PCDHA9: variants seen among roughly 807,000 people sequenced by gnomAD.
PCDHA9 encodes the protein protocadherin alpha 9, also known as protocadherin alpha-9.
PCDHA9 carries 62 observed loss-of-function variants against 62.0 expected under a neutral mutation model. That is an observed-to-expected ratio of 1.00 (90% CI 0.81 to 1.23). The LOEUF is 1.23. PCDHA9 is among the 50% of genes most tolerant of loss of function. The pLI is 0.00. For synonymous variants in PCDHA9, 557 were observed against 567.6 expected (o/e 0.98, Z 0.27); for missense variants, 1,205 against 1,249.8 (o/e 0.96, Z 0.54).
At chr5:140,990,318 A>C (rs2097387548) in intron 3 of PCDHA9, among the ~76,000 whole-genome samples, 1 of 152,054 alleles carries the variant, frequency 6.6e-6, no homozygotes, top group Admixed American at 6.5e-5. Context: ...AACCAACCAA[A>C]CAAACTTTAA....
chr5:141,000,389 CTCTCTCTATATATA>C (rs1429861640), intron 3 of PCDHA9, among the ~76,000 whole-genome samples: 15 of 62,586 alleles, frequency 2.4e-4, no homozygotes, highest in African/African-American at 9.8e-4. Flanking sequence ...CTCTCTCTCT[CTCTCTCTATATATA>C]TATATATATA....
At chr5:140,972,708 G>C (rs1309799075) in intron 1 of PCDHA9, among the ~76,000 whole-genome samples, 1 of 146,140 alleles carries the variant, frequency 6.8e-6, no homozygotes, top group East Asian at 2.0e-4. Context: ...TCTGTTGCCA[G>C]GCTGGAGTGC....
intron 1 of PCDHA9, chr5:140,851,685 G>T: frequency 1.1e-6 from 1 of 926,488 alleles, no homozygotes; most frequent in Non-Finnish European, 1.3e-6. Context: ...TCTCCATTCA[G>T]TGATAAAATG....
chr5:140,948,495 G>T (rs2094260954), intron 1 of PCDHA9, among the ~76,000 whole-genome samples: 1 of 151,424 alleles, frequency 6.6e-6, no homozygotes, highest in African/African-American at 2.4e-5. Context: ...TTCTTTCATA[G>T]ACTTTCTATT....
intron 1 of PCDHA9, chr5:140,851,464 T>A: frequency 1.1e-6 from 1 of 895,470 alleles, no homozygotes; most frequent in Non-Finnish European, 1.4e-6. Flanking sequence ...TCAAATTATG[T>A]CAATAAATGT....
rs1554142981 is a variant in PCDHA9, at chr5:140,849,496, G to A, written c.1001G>A (p.Cys334Tyr). The A allele has an allele frequency of 6.3e-7, 1 of 1,593,496 alleles. No individual in the cohort carries two copies. Among genetic ancestry groups the A allele is most frequent in the South Asian group, 1.1e-5 (1 of 90,348 alleles). ...DKGFPPLAGH[C>Y]TLLVEVVDVN... is the part of the protein sequence containing the mutation. ...GGCTTCCCACCCCTGGCTGGTCATT[G>A]TACACTTCTTGTGGAAGTTGTGGAT... is the stretch of plus-strand genomic sequence containing the variant. Residue 334 changes from cysteine to tyrosine, a missense_variant, in exon 1 of 4, where the codon TGT becomes TAT. Coordinates refer to ENST00000532602, the MANE Select transcript of PCDHA9 (RefSeq NM_031857.2).
rs567366418 is a variant in PCDHA9 at position 140,912,439 on chromosome 5, G to T, written c.2394+61550G>T. 2.6e-5 allele frequency among the ~76,000 whole-genome samples: 4 copies of T among 151,104 alleles called. No individual in the cohort carries two copies. The East Asian group carries it at 7.8e-4, about 29-fold the overall frequency. On this transcript the variant is annotated intron_variant, in intron 1 of 3. Transcript: ENST00000532602. ...TGGTGTATAGCAGTGTTGCTGATTT[G>T]TGTGCATTGATTTTGTATCCTGGAA...
intron 1 of PCDHA9, chr5:140,863,011 C>A (rs782711409): frequency 1.8e-6 from 1 of 552,250 alleles, no homozygotes. Flanking sequence ...CCAGCTATGA[C>A]GCCTGGTTGT....
At chr5:140,969,232 C>G in intron 1 of PCDHA9, 1 of 1,614,066 alleles carries the variant, frequency 6.2e-7, no homozygotes, top group Non-Finnish European at 8.5e-7. Flanking sequence ...CTTCGGGAGC[C>G]CAAGCAGCAG....
chr5:140,876,961 C>G (rs782051302), intron 1 of PCDHA9: 16 of 1,613,036 alleles, frequency 9.9e-6, no homozygotes, highest in South Asian at 8.8e-5. Context: ...GCTGGTGGAG[C>G]GGCGGGTGGG....
At chr5:140,903,636 T>C (rs1330875573) in intron 1 of PCDHA9, among the ~76,000 whole-genome samples, 3 of 152,236 alleles carry the variant, frequency 2.0e-5, no homozygotes, top group African/African-American at 7.2e-5. Context: ...TGTATGCATA[T>C]ACCATATACA....
intron 1 of PCDHA9, among the ~76,000 whole-genome samples, chr5:140,873,504 T>TTTTTTTTTTTTTTTTTTTTTTTGAG: frequency 6.6e-6 from 1 of 152,256 alleles, no homozygotes; most frequent in South Asian, 2.1e-4. Context: ...TTGTGTCTTT[T>TTTTTTTTTTTTTTTTTTTTTTTGAG]ATACTTAATG....
intron 3 of PCDHA9, among the ~76,000 whole-genome samples, chr5:140,997,728 A>G (rs1376007377): frequency 6.6e-6 from 1 of 152,030 alleles, no homozygotes; most frequent in Non-Finnish European, 1.5e-5. Flanking sequence ...ACGTCAGTAC[A>G]TATAGATTTG....
At chr5:140,979,043 C>A (rs782371496) in intron 2 of PCDHA9, 36 bp downstream of exon 2, 2 of 1,612,500 alleles carry the variant, frequency 1.2e-6, no homozygotes, top group Non-Finnish European at 1.7e-6. Context: ...CAGAAGTAAC[C>A]TTAACTTGGT....
intron 1 of PCDHA9, among the ~76,000 whole-genome samples, chr5:140,972,633 T>G (rs1230723429): frequency 6.6e-6 from 1 of 151,644 alleles, no homozygotes; most frequent in Non-Finnish European, 1.5e-5. Context: ...TGGCACTCCC[T>G]TCAGAGTCTC....
chr5:140,968,951 A>G, intron 1 of PCDHA9: 4 of 1,614,228 alleles, frequency 2.5e-6, no homozygotes, highest in Non-Finnish European at 3.4e-6. Context: ...TTTGAGCATC[A>G]TCAAGTGCTA....
chr5:140,969,424 G>A (rs1554231783), intron 1 of PCDHA9: 1 of 1,558,342 alleles, frequency 6.4e-7, no homozygotes, highest in South Asian at 1.2e-5. Context: ...GTCATTAACA[G>A]TGACAAGAGT....
At chr5:140,954,889 G>C (rs2095106564) in intron 1 of PCDHA9, among the ~76,000 whole-genome samples, 1 of 152,070 alleles carries the variant, frequency 6.6e-6, no homozygotes, top group East Asian at 1.9e-4. Flanking sequence ...TTCTTCTAGG[G>C]TTTTTATAGT....
rs183715022 is a variant in PCDHA9 at position 140,950,136 on chromosome 5, A to G, written c.2395-28813A>G. Among the ~76,000 whole-genome samples, 19 of 152,068 alleles carry G rather than the reference A, an allele frequency of 1.2e-4. No individual in the cohort carries two copies. The East Asian group carries it at 3.7e-3, about 29-fold the overall frequency. ...AATACAAAACCCACAAGACACAGTT[A>G]TAATTTTTGTTTAAGCAGTTATTAT... On this transcript the variant is annotated intron_variant, in intron 1 of 3. Transcript: ENST00000532602.
Sources: allele counts gnomAD v4.1 joint callset (sites outside exome capture counted in the v4.1 genomes callset), GRCh38; gene constraint gnomAD v4.1.1; transcripts MANE v1.5; gene names NCBI Gene and HGNC (gene_info 2026-07-23, HGNC 2026-07-21).